The following POLR2F variants were observed in gnomAD, a reference collection of about 807,000 sequenced individuals.
POLR2F encodes RNA polymerase II, I and III subunit F, also known as DNA-directed RNA polymerases I, II, and III subunit RPABC2.
Under a neutral mutation model 22.7 loss-of-function variants are expected in POLR2F, and 12 were observed. The observed-to-expected ratio is 0.53, with a 90% confidence interval of 0.34 to 0.86. The LOEUF (loss-of-function observed/expected upper bound fraction) is 0.86, where lower values mean the gene tolerates loss of function less well. Ranked by LOEUF, POLR2F falls within the 40% of genes least tolerant of loss-of-function variation. The pLI, the probability that POLR2F is intolerant of heterozygous loss-of-function variation, is 0.02. For synonymous variants in POLR2F, 57 were observed against 66.0 expected, an observed-to-expected ratio of 0.86 and a Z score of 0.66; for missense variants, 126 against 171.5, an observed-to-expected ratio of 0.73 and a Z score of 1.48.
chr22:38,040,131 C>T (rs2085156876), intron 5 of POLR2F, among the ~76,000 whole-genome samples: 1 of 151,588 alleles, frequency 6.6e-6, no homozygotes, highest in Admixed American at 6.6e-5. Context: ...AAAAAATTAG[C>T]TAATCATGGT....
chr22:37,965,819 G>T (rs1931831601), intron 3 of POLR2F, among the ~76,000 whole-genome samples: 1 of 152,210 alleles, frequency 6.6e-6, no homozygotes. Flanking sequence ...TATTCCGGGG[G>T]TCTGGGGAAG....
chr22:38,033,780 G>A (rs1418626249), intron 5 of POLR2F, among the ~76,000 whole-genome samples: 3 of 152,170 alleles, frequency 2.0e-5, no homozygotes, highest in African/African-American at 7.2e-5. Context: ...CCCGCTGCCT[G>A]CCCCCCATGT....
At chr22:38,008,597 C>T (rs1387669705) in intron 1 of POLR2F, among the ~76,000 whole-genome samples, 1 of 150,350 alleles carries the variant, frequency 6.7e-6, no homozygotes, top group Non-Finnish European at 1.5e-5. Context: ...AAAAGCCAGG[C>T]GCGGTGGCTC....
downstream of POLR2F, chr22:37,972,206 C>CT (rs1178524890): frequency 2.0e-5 from 26 of 1,282,798 alleles, no homozygotes; most frequent in East Asian, 1.3e-3. Flanking sequence ...CTTTGATGAT[C>CT]TATCCTTTGC....
chr22:38,004,582 G>C (rs573221550), intron 1 of POLR2F, among the ~76,000 whole-genome samples: 3 of 152,256 alleles, frequency 2.0e-5, no homozygotes, highest in African/African-American at 7.2e-5. Context: ...ATGCCCTGAA[G>C]TTAAAAACCA....
downstream of POLR2F, among the ~76,000 whole-genome samples, chr22:38,029,109 C>A (rs979431761): frequency 6.6e-6 from 1 of 152,096 alleles, no homozygotes; most frequent in Non-Finnish European, 1.5e-5. Flanking sequence ...TGAGGTGGTG[C>A]TGGTGAAGGC....
intron 1 of POLR2F, chr22:38,025,633 C>T: frequency 6.4e-7 from 1 of 1,561,260 alleles, no homozygotes. Flanking sequence ...CACTGGCCCA[C>T]AGCCTAGGCT....
At chr22:38,037,278 G>T (rs1174228151) in intron 5 of POLR2F, among the ~76,000 whole-genome samples, 1 of 151,908 alleles carries the variant, frequency 6.6e-6, no homozygotes, top group Non-Finnish European at 1.5e-5. Flanking sequence ...GTTATGTTAT[G>T]TCATGTTATT....
chr22:37,954,832 C>T (rs1348951636), intron 1 of POLR2F, among the ~76,000 whole-genome samples: 1 of 152,028 alleles, frequency 6.6e-6, no homozygotes, highest in Non-Finnish European at 1.5e-5. Context: ...AGGAGATGAC[C>T]CGTGGCTGAG....
rs1321208192 is a variant in POLR2F at position 38,016,927 on chromosome 22, C to G, written c.121-8942C>G. On this transcript the variant is annotated intron_variant, in intron 1 of 2. Transcript: ENST00000333418. The surrounding 1 kb of genome is among the most constrained non-coding windows in gnomAD (Gnocchi z 4.4). ...GTGTGGATTGATGTCTGGGCCTGGG[C>G]GGATGTGCCGGCAGCTGGGCGGCCG... 2.0e-5 allele frequency among the ~76,000 whole-genome samples: 3 copies of G among 151,780 alleles called. No homozygotes were observed. The highest frequency in any genetic ancestry group is 7.3e-5 in the African/African-American group (3 of 41,320).
intron 1 of POLR2F, among the ~76,000 whole-genome samples, chr22:38,008,235 C>T (rs2084840230): frequency 6.6e-6 from 1 of 150,846 alleles, no homozygotes; most frequent in Non-Finnish European, 1.5e-5. Flanking sequence ...GAGAGTCTGT[C>T]TCAAAACAAA....
chr22:38,014,832 G>A (rs964299952), intron 1 of POLR2F, among the ~76,000 whole-genome samples: 9 of 134,750 alleles, frequency 6.7e-5, no homozygotes, highest in Non-Finnish European at 1.3e-4. Flanking sequence ...TTTTGAGATG[G>A]AGTCTTGCTC....
At chr22:37,964,207 G>A (rs1005519681) in intron 3 of POLR2F, among the ~76,000 whole-genome samples, 11 of 152,114 alleles carry the variant, frequency 7.2e-5, no homozygotes, top group African/African-American at 2.4e-4. Flanking sequence ...AGGCAGATGC[G>A]AGTGGTGCTT....
intron 1 of POLR2F, chr22:38,025,674 C>T (rs529124216): frequency 7.4e-5 from 115 of 1,553,692 alleles, no homozygotes; most frequent in African/African-American, 3.4e-4. Context: ...TGACTTCTCC[C>T]GACAGTCCTG....
rs1402473394 is a variant in POLR2F, at chr22:37,953,700, A to G, written c.-88A>G. ...TGGGTTACGGCGCAGGCGCAAGATA[A>G]GCTAGGAGCCGCGCGAGTCGTAGTG... is the stretch of plus-strand genomic sequence containing the variant. On this transcript the variant is annotated 5_prime_UTR_variant, in exon 1 of 5. Coordinates refer to ENST00000442738, the MANE Select transcript of POLR2F (RefSeq NM_021974.5). 4 of 1,503,130 alleles carry G rather than the reference A, an allele frequency of 2.7e-6. No individual in the cohort carries two copies. In the Admixed American group the frequency reaches 8.0e-5, roughly 30 times the overall value. 93.1% of individuals were successfully genotyped at this position (1,503,130 alleles called of 1,614,324 possible).
chr22:37,978,259 G>A lies in POLR2F; in HGVS notation c.293+11089G>A. 2 of 1,072,056 alleles carry A rather than the reference G, an allele frequency of 1.9e-6. No individual in the cohort carries two copies. The highest frequency in any genetic ancestry group is 2.6e-6 in the Non-Finnish European group (2 of 769,860). The allele number at this position is 1,072,056 out of a possible 1,614,324, so 66.4% of individuals were successfully genotyped here. Reference sequence around the variant, plus strand: ...GTGAGGCCCTGGGATGGGGCACCCAGAGGACAGGACCCGGGGTGGGGGCTG... The same window carrying A: ...GTGAGGCCCTGGGATGGGGCACCCAAAGGACAGGACCCGGGGTGGGGGCTG... On this transcript the variant is annotated intron_variant, in intron 4 of 4. Coordinates refer to the POLR2F transcript ENST00000405557. The surrounding 1 kb of genome is among the most constrained non-coding windows in gnomAD (Gnocchi z 5.0).
At chr22:38,013,862 C>T (rs2084892855) in intron 1 of POLR2F, among the ~76,000 whole-genome samples, 1 of 152,176 alleles carries the variant, frequency 6.6e-6, no homozygotes, top group East Asian at 1.9e-4. Flanking sequence ...GTGGCTTACG[C>T]CTGTAATCCC....
In POLR2F at chr22:37,986,557, G is replaced by C; in HGVS notation, c.120+245G>C. The C allele has an allele frequency of 2.3e-6, 2 of 885,494 alleles. No homozygotes were observed. The highest frequency in any genetic ancestry group is 3.6e-6 in the Non-Finnish European group (2 of 553,974). The allele number at this position is 885,494 out of a possible 1,614,324, so 54.9% of individuals were successfully genotyped here. A position where few individuals can be genotyped will look rare whatever the true frequency, so the allele number is the denominator to read the frequency against. On this transcript the variant is annotated intron_variant, in intron 1 of 2. Coordinates refer to the POLR2F transcript ENST00000333418. The surrounding 1 kb of genome is among the most constrained non-coding windows in gnomAD (Gnocchi z 4.7). ...CCAGGATGGGGGTGGGGGTAGCAGT[G>C]GGCACGCTCTGTCTGCAGGAAGCCA...
intron 3 of POLR2F, among the ~76,000 whole-genome samples, chr22:37,964,641 G>C (rs1358991460): frequency 7.3e-6 from 1 of 137,326 alleles, no homozygotes; most frequent in South Asian, 2.3e-4. Flanking sequence ...GCATGATCTT[G>C]GCTGATTGCA....
Sources: gnomAD v4.1 joint callset for allele counts (sites outside exome capture counted in the v4.1 genomes callset) on GRCh38, gnomAD v4.1.1 for gene constraint, Gnocchi (gnomAD v3.1) non-coding constraint, MANE v1.5 for transcripts, NCBI Gene and HGNC (gene_info 2026-07-23, HGNC 2026-07-21) for gene names.